Variants in PCDHGA2 observed in about 807,000 individuals in gnomAD.
PCDHGA2 encodes protocadherin gamma subfamily A, 2, also known as protocadherin gamma-A2.
PCDHGA2 carries 40 observed loss-of-function variants against 59.2 expected under a neutral mutation model. The ratio of observed to expected loss-of-function variants is 0.68; its 90% CI spans 0.52 to 0.88. PCDHGA2 has a LOEUF of 0.88. Ranked by LOEUF, PCDHGA2 falls within the 40% of genes least tolerant of loss-of-function variation. PCDHGA2 has a pLI of 0.00. For synonymous variants in PCDHGA2, 560 were observed against 526.0 expected (o/e 1.06, Z -0.89); for missense variants, 1,226 against 1,204.0 (o/e 1.02, Z -0.27).
intron 1 of PCDHGA2, chr5:141,370,427 AG>A (rs749504882): frequency 1.3e-4 from 212 of 1,590,086 alleles, no homozygotes; most frequent in Non-Finnish European, 1.7e-4. Flanking sequence ...GGGGCCCAGC[AG>A]GGCAGAGGCG....
At chr5:141,405,004 G>A in intron 1 of PCDHGA2, 1 of 1,613,960 alleles carries the variant, frequency 6.2e-7, no homozygotes, top group South Asian at 1.1e-5. Flanking sequence ...CTGCAGACCT[G>A]GAGGCCTCAG....
intron 1 of PCDHGA2, among the ~76,000 whole-genome samples, chr5:141,363,411 T>C (rs1315890359): frequency 6.6e-6 from 1 of 152,244 alleles, no homozygotes; most frequent in African/African-American, 2.4e-5. Flanking sequence ...ATGATAGCAG[T>C]AAATATCTGT....
At chr5:141,468,346 A>AG (rs2099164784) in intron 1 of PCDHGA2, 33 of 147,324 alleles carry the variant, frequency 2.2e-4, no homozygotes, top group Middle Eastern at 6.9e-3. Flanking sequence ...AAAAAAAAAA[A>AG]AAAGAAAGAA....
At chr5:141,409,559 G>A (rs1421541308) in intron 1 of PCDHGA2, 1 of 1,613,936 alleles carries the variant, frequency 6.2e-7, no homozygotes, top group Admixed American at 1.7e-5. Context: ...CCCAGTTTTC[G>A]ACCAGACGTC....
intron 1 of PCDHGA2, chr5:141,404,892 A>G (rs2094580163): frequency 1.2e-6 from 2 of 1,613,880 alleles, no homozygotes; most frequent in African/African-American, 1.3e-5. Flanking sequence ...GTGGCTGTAC[A>G]GGACCATGGC....
At chr5:141,392,815 T>G (rs1361544072) in intron 1 of PCDHGA2, 1 of 1,586,560 alleles carries the variant, frequency 6.3e-7, no homozygotes, top group South Asian at 1.1e-5. Flanking sequence ...AAAACAACAA[T>G]GGCCGCTCCA....
intron 1 of PCDHGA2, chr5:141,350,113 T>G (rs1758410599): frequency 1.1e-5 from 6 of 556,050 alleles, no homozygotes; most frequent in Non-Finnish European, 1.7e-5. Context: ...TCCTGCTTTG[T>G]CCGGTGCACT....
intron 2 of PCDHGA2, among the ~76,000 whole-genome samples, chr5:141,500,904 C>T (rs2099803610): frequency 6.6e-6 from 1 of 151,662 alleles, no homozygotes; most frequent in Non-Finnish European, 1.5e-5. Context: ...CAGTCTCGCT[C>T]TGTCTCCAGG....
chr5:141,428,293 C>T, intron 1 of PCDHGA2: 1 of 716,436 alleles, frequency 1.4e-6, no homozygotes, highest in South Asian at 1.6e-5. Context: ...AGCAAAGCTG[C>T]AGATTTACCT....
chr5:141,504,963 AC>A (rs1409940135), intron 2 of PCDHGA2, among the ~76,000 whole-genome samples: 1 of 152,038 alleles, frequency 6.6e-6, no homozygotes, highest in Non-Finnish European at 1.5e-5. Context: ...AATGCATTGG[AC>A]CAGCCTGGCC....
At chr5:141,377,813 T>C (rs1254239547) in intron 1 of PCDHGA2, 2 of 152,194 alleles carry the variant, frequency 1.3e-5, no homozygotes, top group African/African-American at 2.4e-5. Flanking sequence ...TGTTATTTAC[T>C]TGGGCCAGTT....
intron 1 of PCDHGA2, chr5:141,388,630 T>G (rs754073337): frequency 6.2e-7 from 1 of 1,613,816 alleles, no homozygotes; most frequent in Admixed American, 1.7e-5. Context: ...GTATACAGGG[T>G]GAGCCTTTCA....
chr5:141,366,286 C>T, intron 1 of PCDHGA2: 1 of 1,613,720 alleles, frequency 6.2e-7, no homozygotes. Flanking sequence ...ATGGCCAGCC[C>T]CCTCTGTCAG....
At chr5:141,449,542 T>C (rs1379019468) in intron 1 of PCDHGA2, among the ~76,000 whole-genome samples, 2 of 142,482 alleles carry the variant, frequency 1.4e-5, no homozygotes, top group African/African-American at 5.3e-5. Context: ...TGAGCCGAGA[T>C]CGCACCACTG....
At position 141,477,855 on chromosome 5, in the gene PCDHGA2, T is replaced by C; in HGVS notation, c.2425-16952T>C. The C allele has an allele frequency of 1.2e-6, 2 of 1,613,698 alleles. No individual in the cohort carries two copies. The highest frequency in any genetic ancestry group is 1.7e-6 in the Non-Finnish European group (2 of 1,179,882). On this transcript the variant is annotated intron_variant, in intron 1 of 3. Coordinates refer to ENST00000394576, the MANE Select transcript of PCDHGA2 (RefSeq NM_018915.4). The surrounding 1 kb of genome is among the most constrained non-coding windows in gnomAD (Gnocchi z 4.9). ...CCAGGTGGGAGCTCGGTGGAGATGC[T>C]GCCTCGAGGTACCTCAGCTGGCCAC...
intron 1 of PCDHGA2, among the ~76,000 whole-genome samples, chr5:141,469,599 A>G (rs2099206392): frequency 6.6e-6 from 1 of 152,192 alleles, no homozygotes; most frequent in Non-Finnish European, 1.5e-5. Flanking sequence ...ATAAAACAAA[A>G]TAAGTAAAAT....
intron 1 of PCDHGA2, chr5:141,417,091 A>G (rs1345871347): frequency 6.6e-6 from 1 of 152,194 alleles, no homozygotes; most frequent in Non-Finnish European, 1.5e-5. Flanking sequence ...TTTTGATTAT[A>G]ATTATTTAAA....
chr5:141,393,712 A>G, intron 1 of PCDHGA2: 1 of 1,613,874 alleles, frequency 6.2e-7, no homozygotes, highest in Non-Finnish European at 8.5e-7. Flanking sequence ...AATACTGGGG[A>G]AATATCAATA....
intron 1 of PCDHGA2, chr5:141,421,239 G>A (rs773410079): frequency 6.3e-7 from 1 of 1,599,000 alleles, no homozygotes; most frequent in South Asian, 1.1e-5. Context: ...TGGCGAATCG[G>A]CTACAGCGCG....
Sources: gnomAD v4.1 joint callset for allele counts (sites outside exome capture counted in the v4.1 genomes callset) on GRCh38, gnomAD v4.1.1 for gene constraint, Gnocchi (gnomAD v3.1) non-coding constraint, MANE v1.5 for transcripts, NCBI Gene and HGNC (gene_info 2026-07-23, HGNC 2026-07-21) for gene names.